Variants in CCDC82 observed in about 807,000 individuals in gnomAD.
CCDC82 encodes coiled-coil domain containing 82.
A neutral mutation model predicts 60.6 loss-of-function variants in CCDC82; 47 were observed. The observed-to-expected ratio is 0.77, with a 90% CI of 0.61 to 0.99. The LOEUF (loss-of-function observed/expected upper bound fraction) is 0.99. Ranked by LOEUF, CCDC82 falls within the 50% of genes least tolerant of loss-of-function variation. The pLI, the probability that CCDC82 is intolerant of heterozygous loss-of-function variation, is 0.00. For missense variants in CCDC82, 588 were observed against 633.0 expected (o/e 0.93, Z 0.76); for synonymous variants, 212 against 207.4 (o/e 1.02, Z -0.19).
chr11:96,386,359 A>T (rs1411049734), intron 2 of CCDC82, 66 bp from the exon 3 acceptor site: 1 of 152,258 alleles, frequency 6.6e-6, no homozygotes, highest in Non-Finnish European at 1.5e-5. Context: ...TTTATACGGC[A>T]ATAAGACTTT....
rs1278988371 is a variant in CCDC82 at position 96,384,450 on chromosome 11, G to A, written c.298C>T (p.Leu100Phe). 6.2e-7 allele frequency: 1 copy of A among 1,613,716 alleles called. No individual in the cohort carries two copies. Among genetic ancestry groups the A allele is most frequent in the South Asian group, 1.1e-5 (1 of 91,072 alleles). ...GTTGAACCGTTGCCAGAGTTAATGA[G>A]ACACTTACTGTCATTTCCTTCACTT... ...IQSEGNDSKC[L>F]INSGNGSTYE... Residue 100 changes from leucine (L) to phenylalanine (F), a missense_variant, in exon 4 of 10, where the codon CTC becomes TTC. Physicochemically the swap from Leu to Phe is conservative, Grantham distance 22. Transcript: ENST00000646818.
At chr11:96,383,201 G>A in intron 5 of CCDC82, 68 bp downstream of exon 5, 1 of 914,892 alleles carries the variant, frequency 1.1e-6, no homozygotes, top group African/African-American at 1.6e-5. Context: ...ATATTAAAAG[G>A]CTAATTTGAT....
At chr11:96,364,183 A>T (rs1307309557) in intron 8 of CCDC82, 1 of 152,172 alleles carries the variant, frequency 6.6e-6, no homozygotes, top group African/African-American at 2.4e-5. Context: ...TATGTCATAA[A>T]AAGTCATAGA....
At chr11:96,376,415 T>C (rs998686221) in intron 5 of CCDC82, among the ~76,000 whole-genome samples, 6 of 151,148 alleles carry the variant, frequency 4.0e-5, no homozygotes, top group Admixed American at 3.3e-4. Flanking sequence ...TTTTAACCTA[T>C]CAAGCCGTGC....
intron 1 of CCDC82, chr11:96,389,607 G>C (rs556158006): frequency 6.5e-6 from 1 of 152,830 alleles, no homozygotes; most frequent in African/African-American, 2.4e-5. Flanking sequence ...TCAGTTCCAA[G>C]CACCTCCCCA....
At chr11:96,356,565 AACAAAT>A (rs1392512286) in intron 9 of CCDC82, 4 of 985,082 alleles carry the variant, frequency 4.1e-6, no homozygotes, top group Non-Finnish European at 4.8e-6. Context: ...CTTCTTAATG[AACAAAT>A]ATTCGTTAGA....
Position 96,384,778 on chromosome 11 carries a change from T to A in CCDC82, c.-14-17A>T, listed in dbSNP as rs780107902. 1.9e-5 allele frequency: 28 copies of A among 1,495,476 alleles called. No homozygotes were observed. The highest frequency in any genetic ancestry group is 2.3e-5 in the East Asian group (1 of 44,322). The allele number at this position is 1,495,476 out of a possible 1,614,324, so 92.6% of individuals were successfully genotyped here. On this transcript the variant is annotated splice_polypyrimidine_tract_variant and intron_variant, in intron 3 of 9. Transcript: ENST00000646818. Reference sequence around the variant, plus strand: ...CTTAAGCTTCTATAAAATAAAGTTGTTAGGAATATAACAGTGATAACCAGA... The same window carrying A: ...CTTAAGCTTCTATAAAATAAAGTTGATAGGAATATAACAGTGATAACCAGA...
chr11:96,362,053 G>A (rs964731154), intron 8 of CCDC82, among the ~76,000 whole-genome samples: 1 of 152,120 alleles, frequency 6.6e-6, no homozygotes, highest in African/African-American at 2.4e-5. Flanking sequence ...TGTAAAAATT[G>A]GAAATGGAGC....
rs773910055 is a variant in CCDC82 at position 96,370,984 on chromosome 11, A to C, written c.1209+29T>G. 16 of 1,491,206 alleles carry C rather than the reference A, an allele frequency of 1.1e-5. 1 individual carries two copies. In the South Asian group the frequency reaches 2.3e-4, roughly 22 times the overall value. The allele number at this position is 1,491,206 out of a possible 1,614,324, so 92.4% of individuals were successfully genotyped here. On this transcript the variant is annotated intron_variant, in intron 7 of 9. Transcript: ENST00000646818. ...GAGAGGTTTGCTGCCCCCAACCCCC[A>C]AGCAGAGATTCAAAAACAAACTGTG...
At chr11:96,382,048 T>C (rs1324078605) in intron 5 of CCDC82, 1 of 151,834 alleles carries the variant, frequency 6.6e-6, no homozygotes, top group Non-Finnish European at 1.5e-5. Flanking sequence ...GAATGTGAAG[T>C]ACACATCTTT....
chr11:96,365,232 A>C (rs759309712), intron 7 of CCDC82, 82 bp from the exon 8 acceptor site: 74 of 910,882 alleles, frequency 8.1e-5, no homozygotes, highest in Non-Finnish European at 1.0e-4. Flanking sequence ...AAAACATCTT[A>C]GGGATTACAA....
rs1237683536 is a variant in CCDC82, at chr11:96,384,384, C to T, written c.364G>A (p.Asp122Asn). 6.2e-7 allele frequency: 1 copy of T among 1,613,678 alleles called. No homozygotes were observed. The highest frequency in any genetic ancestry group is 8.5e-7 in the Non-Finnish European group (1 of 1,179,810). ...ETNKIKHRNIDLQDQEKHLSQ... is the reference protein window; with the variant it reads ...ETNKIKHRNINLQDQEKHLSQ... ...AAATGTTTTTCCTGATCTTGTAAGT[C>T]AATATTCCTATGTTTGATTTTGTTC... Residue 122 changes from aspartate (D) to asparagine (N), a missense_variant, in exon 4 of 10, where the codon GAC becomes AAC. Asp to Asn is a conservative substitution (Grantham distance 23). Transcript: ENST00000646818.
At chr11:96,383,897 T>C in intron 4 of CCDC82, 65 bp downstream of exon 4, 1 of 1,438,660 alleles carries the variant, frequency 7.0e-7, no homozygotes, top group Non-Finnish European at 9.3e-7. Flanking sequence ...CACTTTTTTA[T>C]AAAAATTAAA....
chr11:96,378,968 G>C (rs1865729057), intron 5 of CCDC82, among the ~76,000 whole-genome samples: 1 of 151,952 alleles, frequency 6.6e-6, no homozygotes, highest in Non-Finnish European at 1.5e-5. Context: ...CTTCCTATAG[G>C]TAAGAATTGC....
At chr11:96,358,354 C>T (rs1864453334) in intron 9 of CCDC82, 2 of 1,214,310 alleles carry the variant, frequency 1.6e-6, no homozygotes, top group Non-Finnish European at 2.0e-6. Context: ...TTGTAAGCTG[C>T]CAGCAGATCT....
Position 96,359,085 on chromosome 11 carries a change from TG to T in CCDC82, c.1473del (p.Ile492LeufsTer3). 1 of 1,607,320 alleles carries T rather than the reference TG, an allele frequency of 6.2e-7. No homozygotes were observed. The highest frequency in any genetic ancestry group is 8.5e-7 in the Non-Finnish European group (1 of 1,178,394). ...FKFKLYQECC[T>X]IAMTEEVEDE... Reference sequence around the variant, plus strand: ...TCTTCAACTTCTTCTGTCATTGCAATGGTGCAACATTCCTGGTATAGTTTGA... The same window carrying T: ...TCTTCAACTTCTTCTGTCATTGCAATGTGCAACATTCCTGGTATAGTTTGA... On this transcript the variant is annotated frameshift_variant, in exon 9 of 10. Transcript: ENST00000646818. LOFTEE classifies it high-confidence loss of function.
chr11:96,374,275 G>A (rs146057393), intron 5 of CCDC82, among the ~76,000 whole-genome samples: 1 of 152,188 alleles, frequency 6.6e-6, no homozygotes, highest in African/African-American at 2.4e-5. Context: ...GTCTGACAAG[G>A]GATTAAAGCA....
At chr11:96,356,285 G>A (rs541302124) in intron 9 of CCDC82, 1 of 306,896 alleles carries the variant, frequency 3.3e-6, no homozygotes, top group African/African-American at 2.3e-5. Context: ...TGAAAAGGAG[G>A]GGAAAAAGAA....
rs770759776 is a variant in CCDC82 at position 96,353,643 on chromosome 11, G to C, written c.*3C>G. ...TTAAAAAATCTTCTCTGATGGAAAT[G>C]TGTTACAACTCAAACTTCTCTTCTT... is the stretch of plus-strand genomic sequence containing the variant. On this transcript the variant is annotated 3_prime_UTR_variant, in exon 10 of 10. Transcript: ENST00000646818. 2.5e-6 allele frequency: 4 copies of C among 1,598,884 alleles called. No homozygotes were observed. The highest frequency in any genetic ancestry group is 3.4e-6 in the Non-Finnish European group (4 of 1,168,206).
Sources: gnomAD v4.1 joint callset for allele counts (sites outside exome capture counted in the v4.1 genomes callset) on GRCh38, gnomAD v4.1.1 for gene constraint, MANE v1.5 for transcripts, NCBI Gene and HGNC (gene_info 2026-07-23, HGNC 2026-07-21) for gene names.